CLSTN2: variants seen among roughly 807,000 people sequenced by gnomAD.
CLSTN2 encodes the protein calsyntenin 2.
In CLSTN2, 48 loss-of-function variants were observed where a neutral mutation model predicts 101.2. The observed-to-expected ratio is 0.47, with a 90% CI of 0.38 to 0.60. CLSTN2 has a LOEUF of 0.60. Among genes scored for constraint, CLSTN2 ranks in the 20% least tolerant of loss-of-function variants. The probability of loss-of-function intolerance (pLI) is 0.00; values close to 1 mark genes in which losing one functional copy is unlikely to be tolerated. For missense variants in CLSTN2, 1,160 were observed against 1,238.2 expected, an observed-to-expected ratio of 0.94 and a Z score of 0.95; for synonymous variants, 481 against 463.6, an observed-to-expected ratio of 1.04 and a Z score of -0.48.
chr3:140,084,733 T>C (rs963862617), intron 1 of CLSTN2, among the ~76,000 whole-genome samples: 6 of 121,962 alleles, frequency 4.9e-5, no homozygotes, highest in African/African-American at 1.9e-4. Context: ...TCTAAGGGAT[T>C]CAGGGAAGCC....
chr3:140,109,817 CAGG>C (rs1576429917), intron 1 of CLSTN2, among the ~76,000 whole-genome samples: 1 of 152,102 alleles, frequency 6.6e-6, no homozygotes, highest in East Asian at 1.9e-4. Context: ...GTGATCTAGT[CAGG>C]AGGCCATGCT....
At chr3:140,010,191 A>G (rs2007043970) in intron 1 of CLSTN2, among the ~76,000 whole-genome samples, 1 of 152,222 alleles carries the variant, frequency 6.6e-6, no homozygotes, top group South Asian at 2.1e-4. Context: ...TGTTTGCGGT[A>G]GGAAACTTAT....
chr3:140,163,058 C>T lies in CLSTN2; in HGVS notation c.110-12893C>T, dbSNP rs566772988. On this transcript the variant is annotated intron_variant, in intron 1 of 16. Transcript: ENST00000458420. ...TTGAATACAGCAGTCTTAAAAACTT[C>T]TTCAGTGCATGTGATGATTAGTTTG... Among the ~76,000 whole-genome samples, 3 of 152,302 alleles carry T rather than the reference C, an allele frequency of 2.0e-5. No individual in the cohort carries two copies. The East Asian group carries it at 5.8e-4, about 29-fold the overall frequency.
intron 2 of CLSTN2, among the ~76,000 whole-genome samples, chr3:140,247,996 C>T (rs1050903241): frequency 1.1e-4 from 16 of 152,162 alleles, no homozygotes; most frequent in Admixed American, 1.0e-3. Flanking sequence ...GAGGTCACCT[C>T]TCTAATCCAG....
At chr3:140,152,623 T>C (rs2009885500) in intron 1 of CLSTN2, among the ~76,000 whole-genome samples, 1 of 152,216 alleles carries the variant, frequency 6.6e-6, no homozygotes, top group South Asian at 2.1e-4. Flanking sequence ...ACTGTATACA[T>C]GGGCAATTGG....
intron 2 of CLSTN2, among the ~76,000 whole-genome samples, chr3:140,348,943 G>C (rs959390376): frequency 1.3e-5 from 2 of 152,190 alleles, no homozygotes; most frequent in East Asian, 1.9e-4. Context: ...TGTCATTACT[G>C]TGTGATATGG....
At chr3:139,993,030 CTA>C (rs1386968437) in intron 1 of CLSTN2, among the ~76,000 whole-genome samples, 1 of 152,144 alleles carries the variant, frequency 6.6e-6, no homozygotes, top group African/African-American at 2.4e-5. Flanking sequence ...TTCAATTCCC[CTA>C]TGAGGAAAGA....
intron 8 of CLSTN2, among the ~76,000 whole-genome samples, chr3:140,487,280 CAA>C (rs1321678817): frequency 6.6e-6 from 1 of 152,138 alleles, no homozygotes; most frequent in Non-Finnish European, 1.5e-5. Flanking sequence ...TTATATGCAC[CAA>C]GAGTCTCCCA....
intron 1 of CLSTN2, among the ~76,000 whole-genome samples, chr3:139,963,617 A>G (rs375130663): frequency 1.3e-5 from 2 of 152,120 alleles, no homozygotes; most frequent in African/African-American, 2.4e-5. Flanking sequence ...TTTTGCTTAG[A>G]CTGTAAGCCT....
At chr3:140,409,840 A>G (rs1600403) in intron 4 of CLSTN2, among the ~76,000 whole-genome samples, 4,781 of 152,222 alleles carry the variant, frequency 0.031, 97 homozygotes, top group East Asian at 0.04. Flanking sequence ...CAGAAGTTCA[A>G]CAAAGAAAAA....
intron 10 of CLSTN2, among the ~76,000 whole-genome samples, chr3:140,556,075 G>T (rs941322875): frequency 2.6e-5 from 4 of 152,152 alleles, no homozygotes; most frequent in African/African-American, 9.7e-5. Context: ...TACGGCATGG[G>T]TCAGAAAATG....
intron 1 of CLSTN2, among the ~76,000 whole-genome samples, chr3:139,942,050 C>T (rs867021150): frequency 6.6e-6 from 1 of 152,162 alleles, no homozygotes. Context: ...CACTGGTAGG[C>T]ATGGGTTCCC....
intron 1 of CLSTN2, among the ~76,000 whole-genome samples, chr3:139,938,582 C>G (rs1251461470): frequency 6.6e-6 from 1 of 152,162 alleles, no homozygotes; most frequent in Non-Finnish European, 1.5e-5. Context: ...ATGAAGAGAC[C>G]AGATCACATG....
chr3:140,315,379 C>T (rs1163255851), intron 2 of CLSTN2, among the ~76,000 whole-genome samples: 2 of 152,214 alleles, frequency 1.3e-5, no homozygotes, highest in Non-Finnish European at 2.9e-5. Flanking sequence ...GAAACTGTGT[C>T]AGCCCTAATT....
At chr3:140,302,112 CCCG>C in intron 2 of CLSTN2, among the ~76,000 whole-genome samples, 1 of 152,238 alleles carries the variant, frequency 6.6e-6, no homozygotes, top group East Asian at 1.9e-4. Flanking sequence ...AGCCACTAGA[CCCG>C]TGTCTTAATA....
intron 1 of CLSTN2, among the ~76,000 whole-genome samples, chr3:139,940,864 A>T (rs1935114599): frequency 6.6e-6 from 1 of 152,040 alleles, no homozygotes; most frequent in Non-Finnish European, 1.5e-5. Context: ...CTATCTAAGT[A>T]AATAAACAAG....
At chr3:140,525,942 A>G (rs1935127828) in intron 8 of CLSTN2, among the ~76,000 whole-genome samples, 1 of 152,170 alleles carries the variant, frequency 6.6e-6, no homozygotes, top group African/African-American at 2.4e-5. Context: ...AAGGCCATCT[A>G]TGACAAACCC....
intron 2 of CLSTN2, among the ~76,000 whole-genome samples, chr3:140,312,000 T>A (rs1455371575): frequency 6.6e-6 from 1 of 152,250 alleles, no homozygotes; most frequent in African/African-American, 2.4e-5. Flanking sequence ...TAATTAGAGG[T>A]AATGCAATTA....
intron 10 of CLSTN2, among the ~76,000 whole-genome samples, chr3:140,551,708 T>A (rs957004485): frequency 6.6e-6 from 1 of 152,056 alleles, no homozygotes; most frequent in Non-Finnish European, 1.5e-5. Context: ...GACACGTTAA[T>A]CCTTTAAGCC....
Sources: allele counts gnomAD v4.1 joint callset (sites outside exome capture counted in the v4.1 genomes callset), GRCh38; gene constraint gnomAD v4.1.1; transcripts MANE v1.5; gene names NCBI Gene and HGNC (gene_info 2026-07-23, HGNC 2026-07-21).